NWD2: variants seen among roughly 807,000 people sequenced by gnomAD.
NWD2 encodes the protein NACHT and WD repeat domain-containing protein 2.
NWD2 carries 37 observed loss-of-function variants against 132.7 expected under a neutral mutation model. That is an observed-to-expected ratio of 0.28 (90% CI 0.21 to 0.37). The LOEUF (loss-of-function observed/expected upper bound fraction) is 0.37, where lower values mean the gene tolerates loss of function less well. Ranked by LOEUF, NWD2 falls within the 10% of genes least tolerant of loss-of-function variation. The probability of loss-of-function intolerance (pLI) is 1.00; values close to 1 mark genes in which losing one functional copy is unlikely to be tolerated. For synonymous variants in NWD2, 705 were observed against 803.0 expected, an observed-to-expected ratio of 0.88 and a Z score of 2.06; for missense variants, 1,592 against 2,122.4, an observed-to-expected ratio of 0.75 and a Z score of 4.91.
intron 3 of NWD2, among the ~76,000 whole-genome samples, chr4:37,367,297 CTG>C (rs1417277898): frequency 6.6e-6 from 1 of 152,200 alleles, no homozygotes; most frequent in Non-Finnish European, 1.5e-5. Flanking sequence ...AACATGAAAA[CTG>C]TGTCAAAACT....
At chr4:37,255,346 C>T (rs960885053) in intron 1 of NWD2, among the ~76,000 whole-genome samples, 3 of 152,124 alleles carry the variant, frequency 2.0e-5, no homozygotes, top group Admixed American at 2.0e-4. Context: ...CTAAAAATCA[C>T]CCTTCTACTG....
chr4:37,399,381 GAC>G (rs1347551347), intron 3 of NWD2, among the ~76,000 whole-genome samples: 2 of 152,126 alleles, frequency 1.3e-5, no homozygotes, highest in Non-Finnish European at 2.9e-5. Flanking sequence ...TTTAATTCCA[GAC>G]ACCTTGGTTA....
intron 3 of NWD2, among the ~76,000 whole-genome samples, chr4:37,413,217 A>C (rs1307775598): frequency 6.6e-6 from 1 of 152,218 alleles, no homozygotes; most frequent in Non-Finnish European, 1.5e-5. Context: ...TTTGCAATCT[A>C]TCCATCTGAC....
chr4:37,333,246 A>G (rs1374748041), intron 2 of NWD2, among the ~76,000 whole-genome samples: 1 of 152,168 alleles, frequency 6.6e-6, no homozygotes, highest in African/African-American at 2.4e-5. Flanking sequence ...GAGTGAACGT[A>G]GGCAGTAGCT....
intron 2 of NWD2, among the ~76,000 whole-genome samples, chr4:37,347,630 T>C (rs1045238718): frequency 6.6e-6 from 1 of 152,196 alleles, no homozygotes; most frequent in Non-Finnish European, 1.5e-5. Context: ...TATTTCCTTT[T>C]CCTCCCTTTT....
chr4:37,340,013 A>G (rs1325728429), intron 2 of NWD2, among the ~76,000 whole-genome samples: 2 of 148,224 alleles, frequency 1.3e-5, no homozygotes, highest in African/African-American at 5.0e-5. Context: ...ATATTTTATT[A>G]TAGGAGAGAG....
intron 1 of NWD2, among the ~76,000 whole-genome samples, chr4:37,311,517 G>T (rs527753355): frequency 2.7e-4 from 41 of 150,314 alleles, no homozygotes; most frequent in African/African-American, 1.0e-3. Flanking sequence ...TGAGTTCATT[G>T]TAGATTCTGG....
chr4:37,377,301 AT>A (rs1285207258), intron 3 of NWD2, among the ~76,000 whole-genome samples: 1 of 152,104 alleles, frequency 6.6e-6, no homozygotes, highest in Non-Finnish European at 1.5e-5. Flanking sequence ...AGAGAAGATA[AT>A]TTTTTTTGAA....
At chr4:37,336,707 G>A (rs750349789) in intron 2 of NWD2, among the ~76,000 whole-genome samples, 17 of 152,256 alleles carry the variant, frequency 1.1e-4, no homozygotes, top group Admixed American at 3.3e-4. Context: ...CTGGGAGGCC[G>A]AGGCGGGTGG....
chr4:37,314,765 C>T (rs1284585921), intron 1 of NWD2, among the ~76,000 whole-genome samples: 1 of 152,034 alleles, frequency 6.6e-6, no homozygotes, highest in Non-Finnish European at 1.5e-5. Context: ...TTTATTGTTT[C>T]ATTGATTTGT....
At chr4:37,311,096 G>A (rs933807928) in intron 1 of NWD2, among the ~76,000 whole-genome samples, 28 of 152,086 alleles carry the variant, frequency 1.8e-4, no homozygotes, top group East Asian at 1.2e-3. Context: ...ATAAACATAC[G>A]TGTGCATGTG....
intron 3 of NWD2, among the ~76,000 whole-genome samples, chr4:37,413,321 G>C (rs774724318): frequency 6.6e-6 from 1 of 152,192 alleles, no homozygotes. Flanking sequence ...GATATGAACA[G>C]ACATTTCTCA....
At chr4:37,434,916 G>C (rs893993124) in intron 5 of NWD2, among the ~76,000 whole-genome samples, 8 of 151,832 alleles carry the variant, frequency 5.3e-5, no homozygotes, top group Admixed American at 2.6e-4. Context: ...CAAGGGATTT[G>C]GTAGGATCTA....
At chr4:37,411,121 A>G (rs1397883134) in intron 3 of NWD2, among the ~76,000 whole-genome samples, 4 of 152,218 alleles carry the variant, frequency 2.6e-5, no homozygotes, top group African/African-American at 9.7e-5. Context: ...AAAAGCTAGC[A>G]GAAGACAACA....
At chr4:37,252,340 G>A (rs142539835) in intron 1 of NWD2, among the ~76,000 whole-genome samples, 96 of 152,278 alleles carry the variant, frequency 6.3e-4, no homozygotes, top group Non-Finnish European at 1.0e-3. Flanking sequence ...CTATATACAT[G>A]ACTTTGCAGT....
chr4:37,436,058 G>A (rs539214543), intron 5 of NWD2, among the ~76,000 whole-genome samples: 1 of 152,166 alleles, frequency 6.6e-6, no homozygotes, highest in South Asian at 2.1e-4. Flanking sequence ...GAGAGGACGA[G>A]AAATAAATTA....
chr4:37,408,147 C>T (rs1721081867), intron 3 of NWD2, among the ~76,000 whole-genome samples: 1 of 152,150 alleles, frequency 6.6e-6, no homozygotes, highest in Admixed American at 6.5e-5. Flanking sequence ...TTTTCCATAC[C>T]CCAGTGGTGC....
intron 3 of NWD2, among the ~76,000 whole-genome samples, chr4:37,427,551 T>C (rs112860703): frequency 2.0e-5 from 3 of 152,322 alleles, no homozygotes; most frequent in African/African-American, 7.2e-5. Context: ...GGCTTCAGGC[T>C]AATACAGTGG....
chr4:37,412,994 G>A (rs1321158887), intron 3 of NWD2, among the ~76,000 whole-genome samples: 2 of 152,098 alleles, frequency 1.3e-5, no homozygotes, highest in South Asian at 2.1e-4. Flanking sequence ...AGACTTAAAC[G>A]TAAGACCTAG....
Sources: allele counts gnomAD v4.1 joint callset (sites outside exome capture counted in the v4.1 genomes callset), GRCh38; gene constraint gnomAD v4.1.1; transcripts MANE v1.5; gene names NCBI Gene and HGNC (gene_info 2026-07-23, HGNC 2026-07-21).